The following PLCB1 variants were observed in gnomAD, a reference collection of about 807,000 sequenced individuals.
PLCB1 encodes 1-phosphatidylinositol 4,5-bisphosphate phosphodiesterase beta-1.
Under a neutral mutation model 161.8 loss-of-function variants are expected in PLCB1, and 46 were observed. That is an observed-to-expected ratio of 0.28 (90% CI 0.22 to 0.36). The LOEUF (loss-of-function observed/expected upper bound fraction) is 0.36. PLCB1 is among the 10% of genes least tolerant of loss of function. The pLI, the probability that PLCB1 is intolerant of heterozygous loss-of-function variation, is 1.00. For synonymous variants in PLCB1, 517 were observed against 503.7 expected, an observed-to-expected ratio of 1.03 and a Z score of -0.35; for missense variants, 1,016 against 1,472.5, an observed-to-expected ratio of 0.69 and a Z score of 5.07.
At chr20:8,419,710 G>C (rs1979456191) in intron 3 of PLCB1, among the ~76,000 whole-genome samples, 1 of 152,040 alleles carries the variant, frequency 6.6e-6, no homozygotes, top group East Asian at 1.9e-4. Flanking sequence ...ACTTACAATG[G>C]GTTTATCGGA....
At chr20:8,641,645 T>C (rs1384541174) in intron 4 of PLCB1, among the ~76,000 whole-genome samples, 2 of 152,214 alleles carry the variant, frequency 1.3e-5, no homozygotes, top group African/African-American at 4.8e-5. Flanking sequence ...TGATTGATTG[T>C]TCAAGAGGTA....
chr20:8,135,885 A>G (rs2051341012), intron 1 of PLCB1, among the ~76,000 whole-genome samples: 1 of 152,140 alleles, frequency 6.6e-6, no homozygotes, highest in Admixed American at 6.5e-5. Context: ...TAGACAGTGG[A>G]AGGAGAGTTA....
At chr20:8,479,603 C>T (rs1419889973) in intron 3 of PLCB1, among the ~76,000 whole-genome samples, 2 of 152,184 alleles carry the variant, frequency 1.3e-5, no homozygotes, top group African/African-American at 4.8e-5. Context: ...ATGTCCCTAG[C>T]ATTGGTGATA....
intron 3 of PLCB1, among the ~76,000 whole-genome samples, chr20:8,517,778 T>A (rs902097908): frequency 2.0e-5 from 3 of 152,152 alleles, no homozygotes; most frequent in Non-Finnish European, 4.4e-5. Flanking sequence ...CTATACAAGG[T>A]CATTCTAAGG....
At chr20:8,339,121 T>C (rs1456210458) in intron 2 of PLCB1, among the ~76,000 whole-genome samples, 1 of 152,188 alleles carries the variant, frequency 6.6e-6, no homozygotes, top group African/African-American at 2.4e-5. Context: ...TTTGTACAGG[T>C]CTTCTCATGG....
intron 10 of PLCB1, among the ~76,000 whole-genome samples, chr20:8,685,319 A>C (rs201478988): frequency 5.0e-5 from 1 of 19,984 alleles, no homozygotes; most frequent in Non-Finnish European, 2.4e-4. Flanking sequence ...AAATGCAACC[A>C]CGGCTGACAT....
At chr20:8,682,842 C>G (rs1274817217) in intron 9 of PLCB1, among the ~76,000 whole-genome samples, 1 of 152,060 alleles carries the variant, frequency 6.6e-6, no homozygotes, top group Non-Finnish European at 1.5e-5. Context: ...TTAAAATCCT[C>G]AAAAGTATGC....
intron 2 of PLCB1, among the ~76,000 whole-genome samples, chr20:8,340,233 T>C (rs1985748842): frequency 6.6e-6 from 1 of 152,176 alleles, no homozygotes; most frequent in African/African-American, 2.4e-5. Flanking sequence ...TCTGAGACAA[T>C]TGTAATGAAA....
chr20:8,510,157 T>G (rs1282377585), intron 3 of PLCB1, among the ~76,000 whole-genome samples: 2 of 152,288 alleles, frequency 1.3e-5, no homozygotes, highest in East Asian at 3.9e-4. Flanking sequence ...TTTTATTTTC[T>G]ACTATGTTTG....
In PLCB1 at chr20:8,247,651, C is replaced by A. The variant is rs534663667; in HGVS notation, c.177+97280C>A. ...ACACACATACACGCAAACACACACA[C>A]ACACACACACACACACTTTTGCCTA... On this transcript the variant is annotated intron_variant, in intron 2 of 31. Transcript: ENST00000338037. Among the ~76,000 whole-genome samples the A allele has an allele frequency of 4.1e-3, 615 of 151,844 alleles. 2 individuals are homozygous for A. The highest frequency in any genetic ancestry group is 0.01 in the Middle Eastern group (3 of 294).
chr20:8,400,061 AT>A (rs1261370559), intron 3 of PLCB1, among the ~76,000 whole-genome samples: 1 of 152,106 alleles, frequency 6.6e-6, no homozygotes, highest in African/African-American at 2.4e-5. Flanking sequence ...TAAGTCTATC[AT>A]TTTTATGGAA....
At chr20:8,849,584 G>C (rs921384626) in intron 31 of PLCB1, among the ~76,000 whole-genome samples, 8 of 152,102 alleles carry the variant, frequency 5.3e-5, no homozygotes, top group African/African-American at 1.9e-4. Flanking sequence ...GCTGAGGCTG[G>C]AGAATCGCTT....
chr20:8,461,170 G>T (rs1289992189), intron 3 of PLCB1, among the ~76,000 whole-genome samples: 1 of 152,116 alleles, frequency 6.6e-6, no homozygotes, highest in Non-Finnish European at 1.5e-5. Flanking sequence ...TTGAGAAAAA[G>T]AATCTGAAAG....
At chr20:8,761,976 A>AGGGT (rs1555788723) in intron 25 of PLCB1, among the ~76,000 whole-genome samples, 2 of 146,500 alleles carry the variant, frequency 1.4e-5, no homozygotes, top group East Asian at 2.2e-4. Flanking sequence ...GGGGAGGCCA[A>AGGGT]GGGGGGGGCG....
intron 3 of PLCB1, chr20:8,625,324 T>C (rs1988304568): frequency 2.0e-5 from 3 of 152,286 alleles, no homozygotes; most frequent in South Asian, 2.1e-4. Context: ...TACAAGTGTC[T>C]TTCTCGGTCT....
chr20:8,425,125 G>A (rs1008244233), intron 3 of PLCB1, among the ~76,000 whole-genome samples: 3 of 119,930 alleles, frequency 2.5e-5, no homozygotes, highest in Non-Finnish European at 5.7e-5. Context: ...CCTGCATTCT[G>A]AGGTGTTTTT....
rs142993373 is a variant in PLCB1, at chr20:8,427,627, A to G, written c.246+56177A>G. Among the ~76,000 whole-genome samples the G allele has an allele frequency of 9.2e-4, 140 of 152,328 alleles. 1 individual carries two copies. In the East Asian group the frequency reaches 0.013, roughly 14 times the overall value. ...GAGATAAGAGGAAACCCTCAAATCCATCTCCCTGAAGGAGTTCTGGGCTGG... is the reference window on the plus strand; with the variant it reads ...GAGATAAGAGGAAACCCTCAAATCCGTCTCCCTGAAGGAGTTCTGGGCTGG... On this transcript the variant is annotated intron_variant, in intron 3 of 31. Transcript: ENST00000338037.
chr20:8,640,500 G>A (rs995590436), intron 4 of PLCB1, among the ~76,000 whole-genome samples: 1 of 152,128 alleles, frequency 6.6e-6, no homozygotes, highest in Admixed American at 6.6e-5. Flanking sequence ...TACAACCAAA[G>A]TAATAATTAA....
intron 2 of PLCB1, among the ~76,000 whole-genome samples, chr20:8,214,445 C>T (rs1979008753): frequency 1.3e-5 from 2 of 152,212 alleles, no homozygotes; most frequent in South Asian, 4.2e-4. Flanking sequence ...TCCCCCTTTG[C>T]CTTCTGCCAT....
Sources: gnomAD v4.1 joint callset for allele counts (sites outside exome capture counted in the v4.1 genomes callset) on GRCh38, gnomAD v4.1.1 for gene constraint, MANE v1.5 for transcripts, NCBI Gene and HGNC (gene_info 2026-07-23, HGNC 2026-07-21) for gene names.